The following NLGN1 variants were observed in gnomAD, a reference collection of about 807,000 sequenced individuals.
NLGN1 encodes neuroligin-1.
Under a neutral mutation model 65.5 loss-of-function variants are expected in NLGN1, and 12 were observed. That is an observed-to-expected ratio of 0.18 (90% CI 0.12 to 0.30). NLGN1 has a LOEUF of 0.30. Among genes scored for constraint, NLGN1 ranks in the 10% least tolerant of loss-of-function variants. NLGN1 has a pLI of 1.00. For synonymous variants in NLGN1, 350 were observed against 359.5 expected, an observed-to-expected ratio of 0.97 and a Z score of 0.30; for missense variants, 750 against 1,007.1, an observed-to-expected ratio of 0.74 and a Z score of 3.46.
chr3:173,510,561 G>T lies in NLGN1; in HGVS notation c.-321+75483G>T, dbSNP rs544595782. 2.0e-5 allele frequency among the ~76,000 whole-genome samples: 3 copies of T among 152,274 alleles called. No individual in the cohort carries two copies. The East Asian group carries it at 5.8e-4, about 29-fold the overall frequency. On this transcript the variant is annotated intron_variant, in intron 2 of 6. Coordinates refer to ENST00000457714, the Ensembl canonical transcript of NLGN1. ...TAAAAAATTGTTTTATTGCCCAGAT[G>T]TTGGAAATGTATTAATTATCGTATT...
At chr3:173,781,719 T>A (rs545391549) in intron 3 of NLGN1, among the ~76,000 whole-genome samples, 52 of 152,306 alleles carry the variant, frequency 3.4e-4, no homozygotes, top group Middle Eastern at 6.8e-3. Flanking sequence ...GACAAATATG[T>A]TTTTTAAAAA....
chr3:173,629,220 A>T (rs1166883891), intron 3 of NLGN1, among the ~76,000 whole-genome samples: 1 of 151,844 alleles, frequency 6.6e-6, no homozygotes, highest in Non-Finnish European at 1.5e-5. Context: ...CTTTGTGCAT[A>T]GATCATATTC....
At chr3:174,265,095 G>A (rs1443045581) in intron 4 of NLGN1, among the ~76,000 whole-genome samples, 1 of 151,776 alleles carries the variant, frequency 6.6e-6, no homozygotes, top group Non-Finnish European at 1.5e-5. Context: ...CTGTCAGACA[G>A]GGACATTTAA....
intron 4 of NLGN1, among the ~76,000 whole-genome samples, chr3:174,255,251 C>T (rs1319798492): frequency 4.6e-5 from 7 of 151,806 alleles, no homozygotes; most frequent in East Asian, 1.9e-4. Context: ...CTGGCTAACA[C>T]GGTGAAGCCC....
At chr3:173,488,367 A>G (rs180888665) in intron 2 of NLGN1, among the ~76,000 whole-genome samples, 2 of 151,736 alleles carry the variant, frequency 1.3e-5, no homozygotes, top group Admixed American at 6.6e-5. Context: ...ATATTTTTCT[A>G]TGTATTTGCC....
chr3:174,215,540 A>T (rs2152799495), intron 4 of NLGN1, among the ~76,000 whole-genome samples: 1 of 152,230 alleles, frequency 6.6e-6, no homozygotes, highest in Middle Eastern at 3.4e-3. Flanking sequence ...AGCAGGAGGG[A>T]AAGTATTTAT....
chr3:173,617,369 G>T (rs1191160407), intron 3 of NLGN1, among the ~76,000 whole-genome samples: 1 of 152,112 alleles, frequency 6.6e-6, no homozygotes, highest in Non-Finnish European at 1.5e-5. Context: ...GCATTCACAA[G>T]GAATTCAATA....
At chr3:173,502,915 T>C (rs1436871064) in intron 2 of NLGN1, among the ~76,000 whole-genome samples, 1 of 152,100 alleles carries the variant, frequency 6.6e-6, no homozygotes, top group African/African-American at 2.4e-5. Flanking sequence ...TGAATTGCTG[T>C]TCACTGTAGT....
chr3:174,024,748 C>T (rs1276902063), intron 4 of NLGN1, among the ~76,000 whole-genome samples: 6 of 152,124 alleles, frequency 3.9e-5, no homozygotes, highest in African/African-American at 9.7e-5. Context: ...TCATAAACAC[C>T]AGCAACTTCT....
chr3:174,209,623 C>CTTTTTTTTTTTTTTTTTT (rs796169913), intron 4 of NLGN1, among the ~76,000 whole-genome samples: 1 of 82,072 alleles, frequency 1.2e-5, no homozygotes, highest in African/African-American at 4.9e-5. Context: ...ACCTTTCTTT[C>CTTTTTTTTTTTTTTTTTT]TTTTTTTTTT....
chr3:173,422,052 C>G (rs1560229582), intron 1 of NLGN1, among the ~76,000 whole-genome samples: 2 of 150,120 alleles, frequency 1.3e-5, no homozygotes, highest in African/African-American at 5.0e-5. Context: ...TTATCTCAAA[C>G]AAATAAACTC....
At chr3:173,942,957 G>C (rs943314141) in intron 4 of NLGN1, among the ~76,000 whole-genome samples, 4 of 152,132 alleles carry the variant, frequency 2.6e-5, no homozygotes, top group African/African-American at 9.7e-5. Flanking sequence ...AGATGCAGTG[G>C]TTCACACCTG....
At chr3:173,474,391 TA>T (rs1011087851) in intron 2 of NLGN1, among the ~76,000 whole-genome samples, 5 of 151,776 alleles carry the variant, frequency 3.3e-5, no homozygotes, top group African/African-American at 1.2e-4. Context: ...TGCATCTTCC[TA>T]AAAAAAAGCC....
At position 173,448,754 on chromosome 3, in the gene NLGN1, T is replaced by G. The variant is rs1384103967; in HGVS notation, c.-321+13676T>G. On this transcript the variant is annotated intron_variant, in intron 2 of 6. Coordinates refer to ENST00000457714, the Ensembl canonical transcript of NLGN1. ...TCAATTTCAGAGCCTGTTATTGGTCTATTCAGAGATTCAACTTCTTCCTGG... is the reference window on the plus strand; with the variant it reads ...TCAATTTCAGAGCCTGTTATTGGTCGATTCAGAGATTCAACTTCTTCCTGG... 2.0e-5 allele frequency among the ~76,000 whole-genome samples: 3 copies of G among 152,346 alleles called. No individual in the cohort carries two copies. The East Asian group carries it at 5.8e-4, about 29-fold the overall frequency.
chr3:174,095,404 A>G (rs1745300130), intron 4 of NLGN1, among the ~76,000 whole-genome samples: 1 of 151,920 alleles, frequency 6.6e-6, no homozygotes, highest in South Asian at 2.1e-4. Flanking sequence ...GCAGTTGTAA[A>G]AAAGTATGCT....
chr3:173,443,703 T>C (rs1719647144), intron 2 of NLGN1, among the ~76,000 whole-genome samples: 1 of 152,200 alleles, frequency 6.6e-6, no homozygotes, highest in African/African-American at 2.4e-5. Flanking sequence ...ACGCTTAAGG[T>C]GCAATTATTT....
intron 4 of NLGN1, among the ~76,000 whole-genome samples, chr3:174,019,913 G>C (rs549619024): frequency 1.3e-5 from 2 of 152,146 alleles, no homozygotes; most frequent in South Asian, 4.2e-4. Flanking sequence ...TGGCCCTCAG[G>C]TCTATGTCAC....
At chr3:173,442,435 T>C (rs1259878644) in intron 2 of NLGN1, among the ~76,000 whole-genome samples, 3 of 152,208 alleles carry the variant, frequency 2.0e-5, no homozygotes, top group African/African-American at 4.8e-5. Context: ...ACATTGTTCC[T>C]GAATCCAGCC....
intron 3 of NLGN1, among the ~76,000 whole-genome samples, chr3:173,652,095 CT>C (rs1759288115): frequency 6.6e-6 from 1 of 152,094 alleles, no homozygotes; most frequent in South Asian, 2.1e-4. Context: ...TGCCCGGCCC[CT>C]TTGCCCACTT....
Sources: allele counts gnomAD v4.1 joint callset (sites outside exome capture counted in the v4.1 genomes callset), GRCh38; gene constraint gnomAD v4.1.1; transcripts MANE v1.5; gene names NCBI Gene and HGNC (gene_info 2026-07-23, HGNC 2026-07-21).